FCRL4: variants seen among roughly 807,000 people sequenced by gnomAD.
The protein encoded by FCRL4 is Fc receptor like 4, also known as Fc receptor-like protein 4.
In FCRL4, 43 loss-of-function variants were observed where a neutral mutation model predicts 64.1. That is an observed-to-expected ratio of 0.67 (90% CI 0.53 to 0.87). FCRL4 has a LOEUF of 0.87. Among genes scored for constraint, FCRL4 ranks in the 40% least tolerant of loss-of-function variants. The pLI is 0.00. For synonymous variants in FCRL4, 253 were observed against 239.8 expected, an observed-to-expected ratio of 1.05 and a Z score of -0.51; for missense variants, 656 against 613.5, an observed-to-expected ratio of 1.07 and a Z score of -0.73.
intron 6 of FCRL4, among the ~76,000 whole-genome samples, chr1:157,582,605 A>G (rs1377602272): frequency 6.6e-6 from 1 of 152,228 alleles, no homozygotes; most frequent in Non-Finnish European, 1.5e-5. Flanking sequence ...GAACAACAGC[A>G]ACACTGATCA....
At position 157,589,389 on chromosome 1, in the gene FCRL4, G is replaced by A; in HGVS notation, c.122C>T (p.Thr41Ile). The A allele has an allele frequency of 6.2e-7, 1 of 1,614,138 alleles. No individual in the cohort carries two copies. The highest frequency in any genetic ancestry group is 8.5e-7 in the Non-Finnish European group (1 of 1,180,008). Residue 41 changes from threonine to isoleucine, a missense_variant, in exon 3 of 12, where the codon ACT becomes ATT. By Grantham distance (89) the Thr-to-Ile change is moderately conservative (BLOSUM62 -1). Coordinates refer to ENST00000271532, the MANE Select transcript of FCRL4 (RefSeq NM_031282.3). ...WTTFFKGERVTLTCNGFQFYA... is the reference protein window; with the variant it reads ...WTTFFKGERVILTCNGFQFYA... The stretch of plus-strand genomic sequence containing the variant: ...GAACTGAAATCCATTGCAAGTCAGA[G>A]TCACTCTCTCTCCTTTGAAGAATGT...
rs751163104 is a variant in FCRL4 at position 157,581,565 on chromosome 1, G to C, written c.1215C>G (p.Ala405=). Residue 405 remains alanine (A), a synonymous_variant, in exon 7 of 12, where the codon GCC becomes GCG. Coordinates refer to ENST00000271532, the MANE Select transcript of FCRL4 (RefSeq NM_031282.3). The part of the protein sequence containing the change: ...GLLSALLLAV[A]LLFHCWRRRK... ...TCCGACGCCAGCAGTGAAACAGCAG[G>C]GCCACAGCCAGGAGAAGAGCACTGA... is the stretch of plus-strand genomic sequence containing the variant. 121 of 1,613,914 alleles carry C rather than the reference G, an allele frequency of 7.5e-5. No individual in the cohort carries two copies. Among genetic ancestry groups the C allele is most frequent in the Non-Finnish European group, 9.2e-5 (109 of 1,179,992 alleles).
At chr1:157,584,927 A>G (rs113796671) in intron 6 of FCRL4, among the ~76,000 whole-genome samples, 2,407 of 152,324 alleles carry the variant, frequency 0.016, 24 homozygotes, top group Non-Finnish European at 0.022. Flanking sequence ...TCTGCTGAAT[A>G]GATAGAATAC....
intron 8 of FCRL4, 60 bp from the exon 9 acceptor site, chr1:157,578,912 A>G: frequency 7.3e-7 from 1 of 1,368,478 alleles, no homozygotes; most frequent in Non-Finnish European, 1.0e-6. Flanking sequence ...GGAGAGTGAG[A>G]TACCCAGGGA....
chr1:157,581,578 A>G lies in FCRL4; in HGVS notation c.1202T>C (p.Leu401Pro), dbSNP rs1190266848. The G allele has an allele frequency of 6.2e-7, 1 of 1,614,120 alleles. No individual in the cohort carries two copies. The highest frequency in any genetic ancestry group is 1.7e-5 in the Admixed American group (1 of 60,028). Residue 401 changes from leucine to proline, a missense_variant, in exon 7 of 12, where the codon CTC becomes CCC. Physicochemically the swap from Leu to Pro is moderately conservative, Grantham distance 98 (BLOSUM62 -3). Coordinates refer to ENST00000271532, the MANE Select transcript of FCRL4 (RefSeq NM_031282.3). ...GTGAAACAGCAGGGCCACAGCCAGG[A>G]GAAGAGCACTGAGCAGCCCTCCAGT... ...GATGGLLSAL[L>P]LAVALLFHCW... is the part of the protein sequence containing the mutation.
chr1:157,595,165 G>T (rs1652932907), intron 2 of FCRL4, among the ~76,000 whole-genome samples: 1 of 152,214 alleles, frequency 6.6e-6, no homozygotes, highest in Non-Finnish European at 1.5e-5. Flanking sequence ...CTCCCGAAGT[G>T]CTGGGATTAC....
At chr1:157,592,276 C>G (rs1652855602) in intron 2 of FCRL4, among the ~76,000 whole-genome samples, 1 of 152,050 alleles carries the variant, frequency 6.6e-6, no homozygotes, top group Non-Finnish European at 1.5e-5. Flanking sequence ...AGCTTCTGCA[C>G]AGCAAAAGAA....
chr1:157,577,235 T>A (rs939432596), intron 10 of FCRL4, among the ~76,000 whole-genome samples: 5 of 152,212 alleles, frequency 3.3e-5, no homozygotes, highest in African/African-American at 1.2e-4. Context: ...CAGAAATTCC[T>A]CTTGAACTTC....
At chr1:157,594,867 G>A (rs1235429059) in intron 2 of FCRL4, among the ~76,000 whole-genome samples, 1 of 152,056 alleles carries the variant, frequency 6.6e-6, no homozygotes, top group African/African-American at 2.4e-5. Context: ...TGTTCTGTTT[G>A]GTAAGGTGAA....
chr1:157,581,531 C>T lies in FCRL4; in HGVS notation c.1249G>A (p.Gly417Arg). 1 of 1,613,648 alleles carries T rather than the reference C, an allele frequency of 6.2e-7. No individual in the cohort carries two copies. Among genetic ancestry groups the T allele is most frequent in the South Asian group, 1.1e-5 (1 of 91,064 alleles). ...LFHCWRRRKS[G>R]VGFLGDETRL... ...CTGTGGCAAAGAAAAGAGCACAAAC[C>T]TGACTTCCTCCGACGCCAGCAGTGA... Residue 417 changes from glycine (G) to arginine (R), a missense_variant and splice_region_variant, in exon 7 of 12, where the codon GGA becomes AGA. Gly to Arg is a moderately radical substitution (Grantham distance 125, BLOSUM62 -2). Transcript: ENST00000271532.
At chr1:157,584,664 C>G (rs532489595) in intron 6 of FCRL4, among the ~76,000 whole-genome samples, 1 of 152,276 alleles carries the variant, frequency 6.6e-6, no homozygotes, top group East Asian at 1.9e-4. Flanking sequence ...GGAAACACCT[C>G]AGTCTCTTAA....
At chr1:157,597,235 G>A (rs1231693927) in intron 1 of FCRL4, among the ~76,000 whole-genome samples, 1 of 152,162 alleles carries the variant, frequency 6.6e-6, no homozygotes, top group East Asian at 1.9e-4. Flanking sequence ...CCTATCATGT[G>A]CCAATCACAC....
At position 157,575,442 on chromosome 1, in the gene FCRL4, G is replaced by A; in HGVS notation, c.*82C>T. On this transcript the variant is annotated 3_prime_UTR_variant, in exon 12 of 12. Coordinates refer to ENST00000271532, the MANE Select transcript of FCRL4 (RefSeq NM_031282.3). ...CTGGAATGAGTTGATCATTCCAGGG[G>A]CCGCAAGGACTGCACTGGGCCTGGG... The A allele has an allele frequency of 1.0e-6, 1 of 971,132 alleles. No individual in the cohort carries two copies. Among genetic ancestry groups the A allele is most frequent in the Non-Finnish European group, 1.6e-6 (1 of 613,270 alleles). The allele number at this position is 971,132 out of a possible 1,614,324, so 60.2% of individuals were successfully genotyped here.
chr1:157,585,074 G>A (rs989461168), intron 6 of FCRL4, among the ~76,000 whole-genome samples: 10 of 152,162 alleles, frequency 6.6e-5, no homozygotes, highest in African/African-American at 2.4e-4. Flanking sequence ...GAGATCATTA[G>A]TAATTTTGGT....
chr1:157,582,069 G>T (rs754552371), intron 6 of FCRL4, among the ~76,000 whole-genome samples: 32 of 152,174 alleles, frequency 2.1e-4, no homozygotes, highest in Non-Finnish European at 2.9e-4. Flanking sequence ...GTAACTCTGA[G>T]ATTGCTCCGC....
At chr1:157,589,600 T>G in intron 2 of FCRL4, 142 bp from the exon 3 acceptor site, 1 of 1,062,044 alleles carries the variant, frequency 9.4e-7, no homozygotes, top group Non-Finnish European at 1.3e-6. Context: ...AGGTTGCAGG[T>G]GAGCTGTGCT....
chr1:157,585,382 CTTTCTTTCTTTCCTTCTTTCT>C (rs1558155112), intron 6 of FCRL4, among the ~76,000 whole-genome samples: 3 of 100,270 alleles, frequency 3.0e-5, no homozygotes, highest in East Asian at 2.4e-4. Flanking sequence ...TTCTTTCTTT[CTTTCTTTCTTTCCTTCTTTCT>C]TTCTTTCTTT....
At chr1:157,578,684 G>T in intron 9 of FCRL4, 86 bp downstream of exon 9, 1 of 1,441,096 alleles carries the variant, frequency 6.9e-7, no homozygotes, top group Non-Finnish European at 9.8e-7. Context: ...ACACTTTAGG[G>T]AGTCCAGGGG....
At chr1:157,591,146 G>A (rs906770294) in intron 2 of FCRL4, among the ~76,000 whole-genome samples, 9 of 152,184 alleles carry the variant, frequency 5.9e-5, no homozygotes, top group Non-Finnish European at 7.3e-5. Context: ...AGATGAATGC[G>A]CCTGAAGGAT....
Sources: allele counts gnomAD v4.1 joint callset (sites outside exome capture counted in the v4.1 genomes callset), GRCh38; gene constraint gnomAD v4.1.1; transcripts MANE v1.5; gene names NCBI Gene and HGNC (gene_info 2026-07-23, HGNC 2026-07-21).